Variants in TEKT5 observed in about 807,000 individuals in gnomAD.
The protein encoded by TEKT5 is tektin-5.
In TEKT5, 52 loss-of-function variants were observed where a neutral mutation model predicts 48.7. The observed-to-expected ratio is 1.07, with a 90% CI of 0.86 to 1.35. The LOEUF is 1.35. Among genes scored for constraint, TEKT5 ranks in the 40% most tolerant of loss-of-function variants. The probability of loss-of-function intolerance (pLI) is 0.00; values close to 1 mark genes in which losing one functional copy is unlikely to be tolerated. For missense variants in TEKT5, 831 were observed against 641.6 expected (o/e 1.30, Z -3.19); for synonymous variants, 318 against 267.6 (o/e 1.19, Z -1.84).
chr16:10,684,965 C>T (rs963359734), intron 3 of TEKT5, among the ~76,000 whole-genome samples: 3 of 152,220 alleles, frequency 2.0e-5, no homozygotes, highest in Non-Finnish European at 2.9e-5. Flanking sequence ...AGGTCAGTGG[C>T]AGAGCTTCCC....
intron 5 of TEKT5, among the ~76,000 whole-genome samples, chr16:10,637,073 C>T (rs1897925047): frequency 6.6e-6 from 1 of 151,658 alleles, no homozygotes; most frequent in Admixed American, 6.6e-5. Flanking sequence ...ACTCCGCCTC[C>T]GGGGTTCACG....
rs118185542 is a variant in TEKT5, at chr16:10,634,533, G to A, written c.1241+1231C>T. Reference sequence around the variant, plus strand: ...ACCGGAAACCCTGTTAGTGCCCATAGGAGGATGCTCCAAGGATGACCCTCA... The same window carrying A: ...ACCGGAAACCCTGTTAGTGCCCATAAGAGGATGCTCCAAGGATGACCCTCA... On this transcript the variant is annotated intron_variant, in intron 6 of 6. Coordinates refer to ENST00000283025, the MANE Select transcript of TEKT5 (RefSeq NM_144674.2). Among the ~76,000 whole-genome samples the A allele has an allele frequency of 4.1e-3, 628 of 152,270 alleles. 4 individuals are homozygous for A. Among genetic ancestry groups the A allele is most frequent in the Non-Finnish European group, 5.0e-3 (339 of 68,032 alleles).
chr16:10,663,937 C>T (rs4238601), intron 5 of TEKT5, among the ~76,000 whole-genome samples: 65,591 of 152,026 alleles, frequency 0.43, 14,911 homozygotes, highest in East Asian at 0.64. Context: ...GTCAGGCCAG[C>T]ACATGCATCA....
intron 5 of TEKT5, among the ~76,000 whole-genome samples, chr16:10,639,355 T>A (rs1897959745): frequency 6.6e-6 from 1 of 152,124 alleles, no homozygotes. Flanking sequence ...CATTCCAATA[T>A]ATTCTCCATC....
chr16:10,668,614 GCCAGGCCTTCCTGC>G (rs578210799), intron 5 of TEKT5, among the ~76,000 whole-genome samples: 4 of 152,286 alleles, frequency 2.6e-5, no homozygotes, highest in African/African-American at 7.2e-5. Flanking sequence ...CCCCTCAGAC[GCCAGGCCTTCCTGC>G]CCAGGCCTTC....
In TEKT5 at chr16:10,684,375, TCTCC is replaced by T. The variant is rs201490774; in HGVS notation, c.720-2243_720-2240del. Among the ~76,000 whole-genome samples, 1,247 of 151,894 alleles carry T rather than the reference TCTCC, an allele frequency of 8.2e-3. 19 individuals are homozygous for T. The highest frequency in any genetic ancestry group is 0.027 in the African/African-American group (1,128 of 41,376). On this transcript the variant is annotated intron_variant, in intron 3 of 6. Coordinates refer to ENST00000283025, the MANE Select transcript of TEKT5 (RefSeq NM_144674.2). ...GAGCCTCTGTGTGTCTCTGTGGGTCTCTCCCTCCCTCCCCTCCATCTTTTTTTTT... is the reference window on the plus strand; with the variant it reads ...GAGCCTCTGTGTGTCTCTGTGGGTCTCTCCCTCCCCTCCATCTTTTTTTTT...
chr16:10,657,960 C>T (rs752507898), intron 5 of TEKT5, among the ~76,000 whole-genome samples: 11 of 152,212 alleles, frequency 7.2e-5, no homozygotes, highest in Non-Finnish European at 1.3e-4. Context: ...AGTTCACCCA[C>T]TTAAAATGTA....
chr16:10,653,236 T>A (rs1898199659), intron 5 of TEKT5, among the ~76,000 whole-genome samples: 1 of 152,198 alleles, frequency 6.6e-6, no homozygotes, highest in Non-Finnish European at 1.5e-5. Context: ...CAGCCCTGCC[T>A]TCCCCGCCCA....
intron 5 of TEKT5, among the ~76,000 whole-genome samples, chr16:10,639,333 C>G (rs929471570): frequency 4.6e-5 from 7 of 151,880 alleles, no homozygotes; most frequent in African/African-American, 1.7e-4. Flanking sequence ...ACAAAAAACC[C>G]AAACAGTTGT....
intron 6 of TEKT5, 129 bp from the exon 7 acceptor site, chr16:10,627,928 TGCCTCCCGGGTTCAAGTAATTCTGCCTCA>T (rs367702372): frequency 0.046 from 37,023 of 802,346 alleles, 1,054 homozygotes; most frequent in South Asian, 0.069. Flanking sequence ...CTGCAACCTC[TGCCTCCCGGGTTCAAGTAATTCTGCCTCA>T]GCCTCCCGAG....
At chr16:10,679,255 T>C (rs1898702828) in intron 4 of TEKT5, among the ~76,000 whole-genome samples, 1 of 151,918 alleles carries the variant, frequency 6.6e-6, no homozygotes, top group Non-Finnish European at 1.5e-5. Flanking sequence ...AGGTAAAAGG[T>C]GTCTCTCCCT....
At chr16:10,630,691 A>G (rs1377302883) in intron 6 of TEKT5, among the ~76,000 whole-genome samples, 3 of 152,204 alleles carry the variant, frequency 2.0e-5, no homozygotes, top group East Asian at 3.8e-4. Context: ...TGGCCATGCA[A>G]TTGAGAACCT....
Position 10,694,812 on chromosome 16 carries a change from A to G in TEKT5, c.62T>C (p.Leu21Ser), listed in dbSNP as rs539801735. ...CGCCTGTACAGCTGGCAGTGAGGTC[A>G]AGCCACAGCATTTCTTGGGACCACA... ...SYCGPKKCCGLTSLPAVQAPV... is the reference protein window; with the variant it reads ...SYCGPKKCCGSTSLPAVQAPV... Residue 21 changes from leucine (L) to serine (S), a missense_variant, in exon 1 of 7, where the codon TTG becomes TCG. Coordinates refer to ENST00000283025, the MANE Select transcript of TEKT5 (RefSeq NM_144674.2). 2.5e-6 allele frequency: 4 copies of G among 1,608,504 alleles called. No homozygotes were observed. The East Asian group carries it at 8.9e-5, about 36-fold the overall frequency.
chr16:10,652,205 C>T (rs564075134), intron 5 of TEKT5, among the ~76,000 whole-genome samples: 1 of 152,044 alleles, frequency 6.6e-6, no homozygotes, highest in East Asian at 1.9e-4. Context: ...AAGTATGGAA[C>T]CCCTTCACTG....
chr16:10,655,986 G>C (rs1207490744), intron 5 of TEKT5, among the ~76,000 whole-genome samples: 3 of 152,180 alleles, frequency 2.0e-5, no homozygotes, highest in Non-Finnish European at 2.9e-5. Flanking sequence ...TGTCATATAT[G>C]ACCAAAGAGT....
intron 5 of TEKT5, among the ~76,000 whole-genome samples, chr16:10,652,836 GACACACACACAC>G (rs572998899): frequency 1.0e-4 from 2 of 19,658 alleles, no homozygotes; most frequent in Non-Finnish European, 1.8e-4. Context: ...TACACAGGCA[GACACACACACAC>G]ACACACACAC....
intron 5 of TEKT5, among the ~76,000 whole-genome samples, chr16:10,664,762 T>C (rs1177957904): frequency 9.2e-5 from 14 of 152,236 alleles, no homozygotes; most frequent in Admixed American, 9.2e-4. Flanking sequence ...CAAGACCCCT[T>C]AGTCATACCA....
At chr16:10,627,853 T>C in intron 6 of TEKT5, 54 bp from the exon 7 acceptor site, 1 of 1,532,900 alleles carries the variant, frequency 6.5e-7, no homozygotes, top group Admixed American at 1.9e-5. Context: ...TTTATTTGTT[T>C]ATTTTTTGAG....
intron 2 of TEKT5, among the ~76,000 whole-genome samples, 161 bp downstream of exon 2, chr16:10,689,781 C>G (rs1328509630): frequency 6.6e-6 from 1 of 152,038 alleles, no homozygotes; most frequent in Admixed American, 6.6e-5. Context: ...CTCCCTGTTC[C>G]TAAATTGCAA....
Sources: allele counts gnomAD v4.1 joint callset (sites outside exome capture counted in the v4.1 genomes callset), GRCh38; gene constraint gnomAD v4.1.1; transcripts MANE v1.5; gene names NCBI Gene and HGNC (gene_info 2026-07-23, HGNC 2026-07-21).